DHRSX: variants seen among roughly 807,000 people sequenced by gnomAD.
DHRSX encodes polyprenol dehydrogenase.
DHRSX carries 31 observed loss-of-function variants against 34.0 expected under a neutral mutation model. The observed-to-expected ratio is 0.91, with a 90% CI of 0.69 to 1.23. The LOEUF is 1.23. Among genes scored for constraint, DHRSX ranks in the 50% most tolerant of loss-of-function variants. The probability of loss-of-function intolerance (pLI) is 0.00; values close to 1 mark genes in which losing one functional copy is unlikely to be tolerated. For missense variants in DHRSX, 414 were observed against 428.1 expected (o/e 0.97, Z 0.29); for synonymous variants, 201 against 183.8 (o/e 1.09, Z -0.76).
chrX:2,263,755 C>G (rs2041398270), intron 5 of DHRSX, among the ~76,000 whole-genome samples: 1 of 152,162 alleles, frequency 6.6e-6, no homozygotes, highest in African/African-American at 2.4e-5. Context: ...TCGTGATCTA[C>G]CTGCCTCAGC....
intron 1 of DHRSX, among the ~76,000 whole-genome samples, chrX:2,453,373 A>AC (rs1244369646): frequency 6.6e-6 from 1 of 152,026 alleles, no homozygotes; most frequent in Non-Finnish European, 1.5e-5. Context: ...ATCTCTAAAA[A>AC]AAAAAAACAA....
At chrX:2,368,251 A>G (rs1299903549) in intron 3 of DHRSX, among the ~76,000 whole-genome samples, 2 of 151,952 alleles carry the variant, frequency 1.3e-5, no homozygotes, top group Non-Finnish European at 2.9e-5. Context: ...TCAAAAAAAA[A>G]AAAAAGAAAA....
At chrX:2,350,661 G>A in intron 3 of DHRSX, among the ~76,000 whole-genome samples, 1 of 152,250 alleles carries the variant, frequency 6.6e-6, no homozygotes, top group Non-Finnish European at 1.5e-5. Flanking sequence ...GGGTACAACT[G>A]TGCACACCAC....
chrX:2,290,714 A>C (rs1200995705), intron 4 of DHRSX, among the ~76,000 whole-genome samples: 1 of 152,186 alleles, frequency 6.6e-6, no homozygotes, highest in Non-Finnish European at 1.5e-5. Context: ...GTGATGCGTT[A>C]AATTCTACTA....
chrX:2,293,259 T>TG (rs1352281130), intron 3 of DHRSX, among the ~76,000 whole-genome samples: 1 of 151,618 alleles, frequency 6.6e-6, no homozygotes, highest in Non-Finnish European at 1.5e-5. Flanking sequence ...AGCTGTTTTT[T>TG]TTTTTTTTTT....
intron 1 of DHRSX, among the ~76,000 whole-genome samples, chrX:2,476,031 A>C (rs1362648132): frequency 2.0e-5 from 3 of 152,240 alleles, no homozygotes; most frequent in Non-Finnish European, 4.4e-5. Flanking sequence ...GTGAGGAGTA[A>C]AACTTGGACA....
chrX:2,320,129 G>A (rs1303848611), intron 3 of DHRSX, among the ~76,000 whole-genome samples: 1 of 150,482 alleles, frequency 6.6e-6, no homozygotes, highest in Non-Finnish European at 1.5e-5. Context: ...GTGCCCGGCC[G>A]GGTCAACTGT....
At chrX:2,463,387 C>T (rs955434854) in intron 1 of DHRSX, among the ~76,000 whole-genome samples, 4 of 152,134 alleles carry the variant, frequency 2.6e-5, no homozygotes, top group African/African-American at 9.7e-5. Context: ...AAGCCCCTTC[C>T]ACCCTGGGCT....
At chrX:2,407,215 G>A (rs1356563325) in intron 3 of DHRSX, among the ~76,000 whole-genome samples, 1 of 152,170 alleles carries the variant, frequency 6.6e-6, no homozygotes, top group African/African-American at 2.4e-5. Flanking sequence ...TGCTGGGTCC[G>A]ACTCGCAGAC....
chrX:2,472,141 C>T (rs1035106541), intron 1 of DHRSX, among the ~76,000 whole-genome samples: 56 of 112,908 alleles, frequency 5.0e-4, no homozygotes, highest in Non-Finnish European at 7.4e-4. Context: ...AGGAAACTGT[C>T]TCAAAAAAAA....
At chrX:2,460,489 C>T (rs192382447) in intron 1 of DHRSX, among the ~76,000 whole-genome samples, 44 of 152,044 alleles carry the variant, frequency 2.9e-4, no homozygotes, top group African/African-American at 4.3e-4. Context: ...ATGATCGTAG[C>T]TTATGGCAGC....
chrX:2,236,955 G>A (rs1175578575), intron 6 of DHRSX, among the ~76,000 whole-genome samples: 2 of 152,048 alleles, frequency 1.3e-5, no homozygotes, highest in East Asian at 3.9e-4. Flanking sequence ...TCGGCAGGCC[G>A]AGGCAGGCGG....
chrX:2,309,430 A>T (rs1395083807), intron 3 of DHRSX, among the ~76,000 whole-genome samples: 2 of 152,192 alleles, frequency 1.3e-5, no homozygotes, highest in Non-Finnish European at 2.9e-5. Context: ...AAAAATGTAA[A>T]CTTAAAGAAG....
Position 2,392,107 on chromosome X carries a change from C to T in DHRSX, c.286+16638G>A, listed in dbSNP as rs546092709. On this transcript the variant is annotated intron_variant, in intron 3 of 6. Coordinates refer to ENST00000334651, the MANE Select transcript of DHRSX (RefSeq NM_145177.3). ...ACCATCCCTCGCCACAGGGAGGCCA[C>T]AGGCAATGCCAGCAATTCAAACGTG... is the stretch of plus-strand genomic sequence containing the variant. 1.1e-4 allele frequency among the ~76,000 whole-genome samples: 17 copies of T among 152,270 alleles called. No individual in the cohort carries two copies. In the South Asian group the frequency reaches 3.5e-3, roughly 32 times the overall value.
At chrX:2,420,613 T>G (rs1298670531) in intron 2 of DHRSX, among the ~76,000 whole-genome samples, 3 of 145,872 alleles carry the variant, frequency 2.1e-5, no homozygotes, top group South Asian at 2.2e-4. Flanking sequence ...TGTGGTGGTG[T>G]GCTCCTGTAG....
At chrX:2,319,430 T>C (rs969168250) in intron 3 of DHRSX, among the ~76,000 whole-genome samples, 7 of 151,104 alleles carry the variant, frequency 4.6e-5, no homozygotes, top group African/African-American at 1.5e-4. Flanking sequence ...GTAATCCCAG[T>C]TACTTGGGAG....
intron 3 of DHRSX, among the ~76,000 whole-genome samples, chrX:2,396,105 C>A (rs1314159239): frequency 6.6e-6 from 1 of 152,042 alleles, no homozygotes; most frequent in Admixed American, 6.6e-5. Flanking sequence ...GTGGCCGCAT[C>A]GCTCCAGTCT....
intron 3 of DHRSX, among the ~76,000 whole-genome samples, chrX:2,320,817 A>T (rs2042302057): frequency 6.6e-6 from 1 of 151,766 alleles, no homozygotes; most frequent in Non-Finnish European, 1.5e-5. Flanking sequence ...TTAGCTTCCA[A>T]TGAGAAACAG....
intron 1 of DHRSX, among the ~76,000 whole-genome samples, chrX:2,438,532 G>A (rs1470945404): frequency 2.6e-5 from 4 of 151,934 alleles, no homozygotes; most frequent in African/African-American, 4.8e-5. Context: ...TTAGCCGGGC[G>A]AGATGGCTGG....
Sources: gnomAD v4.1 joint callset for allele counts (sites outside exome capture counted in the v4.1 genomes callset) on GRCh38, gnomAD v4.1.1 for gene constraint, MANE v1.5 for transcripts, NCBI Gene and HGNC (gene_info 2026-07-23, HGNC 2026-07-21) for gene names.